The following CAND2 variants were observed in gnomAD, a reference collection of about 807,000 sequenced individuals.
CAND2 encodes cullin associated and neddylation dissociated 2 (putative).
CAND2 carries 62 observed loss-of-function variants against 98.9 expected under a neutral mutation model. The ratio of observed to expected loss-of-function variants is 0.63; its 90% CI spans 0.51 to 0.77. CAND2 has a LOEUF of 0.77. Among genes scored for constraint, CAND2 ranks in the 30% least tolerant of loss-of-function variants. The pLI is 0.00. For missense variants in CAND2, 1,501 were observed against 1,655.2 expected, an observed-to-expected ratio of 0.91 and a Z score of 1.62; for synonymous variants, 770 against 731.9, an observed-to-expected ratio of 1.05 and a Z score of -0.84.
Position 12,815,111 on chromosome 3 carries a change from G to A in CAND2, c.1007-30G>A, listed in dbSNP as rs1227991723. Reference sequence around the variant, plus strand: ...CCACAGACCTGTCCTGGGAGATGAGGGTTCCACGTGTGTCTTGTTCCTGCC... The same window carrying A: ...CCACAGACCTGTCCTGGGAGATGAGAGTTCCACGTGTGTCTTGTTCCTGCC... On this transcript the variant is annotated intron_variant, in intron 7 of 14. Coordinates refer to ENST00000456430, the MANE Select transcript of CAND2 (RefSeq NM_001162499.2). The surrounding 1 kb of genome is among the most constrained non-coding windows in gnomAD (Gnocchi z 5.7). 6.3e-7 allele frequency: 1 copy of A among 1,580,898 alleles called. No homozygotes were observed.
intron 4 of CAND2, among the ~76,000 whole-genome samples, chr3:12,809,602 CTT>C (rs2061833673): frequency 1.3e-5 from 2 of 152,108 alleles, no homozygotes; most frequent in African/African-American, 4.8e-5. Flanking sequence ...GGTGTTGCCT[CTT>C]GTCTTGAGCC....
chr3:12,812,221 C>CTTGTTTTTTTTT (rs2061857159), intron 5 of CAND2, among the ~76,000 whole-genome samples: 1 of 74,514 alleles, frequency 1.3e-5, no homozygotes, highest in Non-Finnish European at 2.5e-5. Context: ...AGCTGTTTAT[C>CTTGTTTTTTTTT]TTTTTTTTTT....
chr3:12,820,303 T>G (rs2061947110), intron 11 of CAND2, 122 bp downstream of exon 11: 1 of 675,794 alleles, frequency 1.5e-6, no homozygotes, highest in Admixed American at 3.0e-5. Flanking sequence ...GTGCCCATGA[T>G]GGGCAGCAGG....
chr3:12,812,788 G>A (rs971738127), intron 5 of CAND2, among the ~76,000 whole-genome samples: 8 of 152,240 alleles, frequency 5.3e-5, no homozygotes, highest in African/African-American at 1.9e-4. Context: ...TAAGGTCAAA[G>A]AAATGTTGTG....
chr3:12,820,234 T>C, intron 11 of CAND2, 53 bp downstream of exon 11: 1 of 1,382,158 alleles, frequency 7.2e-7, no homozygotes, highest in South Asian at 1.2e-5. Context: ...CACCCAGTCC[T>C]TGAGCTTGGG....
In CAND2 at chr3:12,825,452, C is replaced by T; in HGVS notation, c.3041-18C>T. On this transcript the variant is annotated intron_variant, in intron 11 of 14. Transcript: ENST00000456430. ...CTTTGGCTGTGCATCCCCCACGCCCCTCATGTTCTTCTGCCAGGAGAGTTC... is the reference window on the plus strand; with the variant it reads ...CTTTGGCTGTGCATCCCCCACGCCCTTCATGTTCTTCTGCCAGGAGAGTTC... The T allele has an allele frequency of 6.5e-7, 1 of 1,548,084 alleles. No homozygotes were observed.
chr3:12,820,586 G>A (rs1427028486), intron 11 of CAND2, among the ~76,000 whole-genome samples: 1 of 152,202 alleles, frequency 6.6e-6, no homozygotes, highest in African/African-American at 2.4e-5. Context: ...GCCCCAAAGT[G>A]GGGCAGGGAA....
Position 12,807,212 on chromosome 3 carries a change from C to T in CAND2, c.213-94C>T, listed in dbSNP as rs542901391. On this transcript the variant is annotated intron_variant, in intron 2 of 14. Coordinates refer to ENST00000456430, the MANE Select transcript of CAND2 (RefSeq NM_001162499.2). ...ATGATCTGAGGCCTTTTCCTCAGCACGTGTGGCCGCAGGAGCATGAGGGGA... is the reference window on the plus strand; with the variant it reads ...ATGATCTGAGGCCTTTTCCTCAGCATGTGTGGCCGCAGGAGCATGAGGGGA... The T allele has an allele frequency of 5.9e-6, 7 of 1,193,664 alleles. No homozygotes were observed. In the East Asian group the frequency reaches 7.8e-5, roughly 13 times the overall value. 73.9% of individuals were successfully genotyped at this position (1,193,664 alleles called of 1,614,324 possible).
chr3:12,818,161 T>C (rs753594198), intron 10 of CAND2, among the ~76,000 whole-genome samples: 1 of 151,678 alleles, frequency 6.6e-6, no homozygotes, highest in East Asian at 1.9e-4. Flanking sequence ...TGGTGGCACA[T>C]GTCTGTAATC....
rs115476901 is a variant in CAND2 at position 12,833,277 on chromosome 3, G to A, written c.3484-478G>A. ...AGGTAGTTTGGGGTGCTTACACTCC[G>A]GCTGCATCTGCAAAACTGATTGCGG... On this transcript the variant is annotated intron_variant, in intron 14 of 14. Coordinates refer to ENST00000456430, the MANE Select transcript of CAND2 (RefSeq NM_001162499.2). 2.5e-3 allele frequency among the ~76,000 whole-genome samples: 387 copies of A among 152,290 alleles called. 2 individuals carry two copies. The highest frequency in any genetic ancestry group is 8.5e-3 in the African/African-American group (354 of 41,560).
rs773810180 is a variant in CAND2, at chr3:12,803,510, A to G, written c.91A>G (p.Met31Val). Residue 31 changes from methionine (M) to valine (V), a missense_variant, in exon 2 of 15, where the codon ATG (methionine) becomes GTG (valine). Physicochemically the swap from Met to Val is conservative, Grantham distance 21. Around this residue, in one of 3 missense-constraint regions of CAND2, gnomAD observed 62 missense variants for 77.3 expected, o/e 0.80. Transcript: ENST00000456430. ...DFRFMATSDLMSELQKDSIQL... is the reference protein window; with the variant it reads ...DFRFMATSDLVSELQKDSIQL... ...CAGGTTCATGGCCACCAGCGACCTG[A>G]TGTCGGAGTTGCAGAAGGACTCCAT... 1 of 1,612,326 alleles carries G rather than the reference A, an allele frequency of 6.2e-7. No individual in the cohort carries two copies. Among genetic ancestry groups the G allele is most frequent in the East Asian group, 2.2e-5 (1 of 44,806 alleles).
Position 12,796,773 on chromosome 3 carries a change from G to A in CAND2, c.53G>A (p.Ser18Asn). ...ISSLLEKMTS[S>N]DKDFRFMATS... ...AGCCTCCTGGAGAAGATGACGTCCAGCGACAAGGACTTCAGGTGCAGCCCG... is the reference window on the plus strand; with the variant it reads ...AGCCTCCTGGAGAAGATGACGTCCAACGACAAGGACTTCAGGTGCAGCCCG... Residue 18 changes from serine (S) to asparagine (N), a missense_variant, in exon 1 of 15, where the codon AGC becomes AAC. Coordinates refer to ENST00000456430, the MANE Select transcript of CAND2 (RefSeq NM_001162499.2). 6.3e-7 allele frequency: 1 copy of A among 1,589,100 alleles called. No homozygotes were observed. Among genetic ancestry groups the A allele is most frequent in the African/African-American group, 1.3e-5 (1 of 74,572 alleles).
intron 1 of CAND2, among the ~76,000 whole-genome samples, chr3:12,802,034 C>T (rs889957662): frequency 1.3e-5 from 2 of 152,108 alleles, no homozygotes; most frequent in South Asian, 4.2e-4. Flanking sequence ...GTTCAACCTT[C>T]TGGTATCCCT....
At position 12,807,532 on chromosome 3, in the gene CAND2, CA is replaced by C. The variant is rs59302336; in HGVS notation, c.367+82del. On this transcript the variant is annotated intron_variant, in intron 3 of 14. Coordinates refer to ENST00000456430, the MANE Select transcript of CAND2 (RefSeq NM_001162499.2). ...TATGGTAAAAAAACAAACGAAAAAA[CA>C]AAAAAAAAACACTGAGGCTCAGAGA... 7,664 of 1,159,804 alleles carry C rather than the reference CA, an allele frequency of 6.6e-3. 209 individuals carry two copies. In the African/African-American group the frequency reaches 0.082, roughly 12 times the overall value. The allele number at this position is 1,159,804 out of a possible 1,614,324, so 71.8% of individuals were successfully genotyped here. A position where few individuals can be genotyped will look rare whatever the true frequency, so the allele number is the denominator to read the frequency against.
intron 10 of CAND2, 25 bp from the exon 11 acceptor site, chr3:12,820,061 T>C: frequency 6.2e-7 from 1 of 1,603,402 alleles, no homozygotes; most frequent in Non-Finnish European, 8.5e-7. Flanking sequence ...TGCCCCTCAC[T>C]AACTCACCTC....
chr3:12,810,092 C>T lies in CAND2; in HGVS notation c.525C>T (p.Ser175=), dbSNP rs890708403. Residue 175 remains serine (S), a synonymous_variant, in exon 5 of 15, where the codon AGC becomes AGT. Coordinates refer to ENST00000456430, the MANE Select transcript of CAND2 (RefSeq NM_001162499.2). ...LGVPLGAFHA[S]LLHCLLPQLS... ...TCCCGCTGGGCGCCTTCCACGCCAG[C>T]CTCCTGCACTGTCTGCTGCCACAGC... 6 of 1,453,044 alleles carry T rather than the reference C, an allele frequency of 4.1e-6. No homozygotes were observed. Among genetic ancestry groups the T allele is most frequent in the Non-Finnish European group, 4.5e-6 (5 of 1,102,874 alleles). 90.0% of individuals were successfully genotyped at this position (1,453,044 alleles called of 1,614,324 possible).
At chr3:12,803,311 G>A (rs1355774964) in intron 1 of CAND2, among the ~76,000 whole-genome samples, 177 bp from the exon 2 acceptor site, 4 of 152,084 alleles carry the variant, frequency 2.6e-5, no homozygotes, top group Non-Finnish European at 5.9e-5. Context: ...ATAATCTTAT[G>A]GGACAACCAT....
At chr3:12,802,913 CAT>C (rs945972051) in intron 1 of CAND2, among the ~76,000 whole-genome samples, 1 of 150,764 alleles carries the variant, frequency 6.6e-6, no homozygotes, top group Non-Finnish European at 1.5e-5. Flanking sequence ...TGTGTCTAAA[CAT>C]AGAAAAGGTA....
chr3:12,815,453 C>T lies in CAND2; in HGVS notation c.1299+20C>T, dbSNP rs762134748. ...GGACAGGTGGGCGTGCCTTCACCTC[C>T]ACCCCTACCCCCGATTTGCCTACCC... On this transcript the variant is annotated intron_variant, in intron 8 of 14. Coordinates refer to ENST00000456430, the MANE Select transcript of CAND2 (RefSeq NM_001162499.2). The surrounding 1 kb of genome is among the most constrained non-coding windows in gnomAD (Gnocchi z 5.7). 1 of 1,592,882 alleles carries T rather than the reference C, an allele frequency of 6.3e-7. No individual in the cohort carries two copies. Among genetic ancestry groups the T allele is most frequent in the Non-Finnish European group, 8.6e-7 (1 of 1,166,092 alleles).
Sources: allele counts gnomAD v4.1 joint callset (sites outside exome capture counted in the v4.1 genomes callset), GRCh38; gene constraint gnomAD v4.1.1; regional missense constraint gnomAD v4.1.1; non-coding constraint Gnocchi (gnomAD v3.1); transcripts MANE v1.5; gene names NCBI Gene and HGNC (gene_info 2026-07-23, HGNC 2026-07-21).